The following PTCD3 variants were observed in gnomAD, a reference collection of about 807,000 sequenced individuals.
The protein encoded by PTCD3 is pentatricopeptide repeat domain 3.
A neutral mutation model predicts 101.9 loss-of-function variants in PTCD3; 89 were observed. The observed-to-expected ratio is 0.87, with a 90% CI of 0.74 to 1.04. PTCD3 has a LOEUF of 1.04. Among genes scored for constraint, PTCD3 ranks in the 50% least tolerant of loss-of-function variants. PTCD3 has a pLI of 0.00. For missense variants in PTCD3, 870 were observed against 828.2 expected (o/e 1.05, Z -0.62); for synonymous variants, 296 against 278.5 (o/e 1.06, Z -0.63).
chr2:86,122,268 A>G (rs1474210658), intron 8 of PTCD3, among the ~76,000 whole-genome samples: 6 of 152,366 alleles, frequency 3.9e-5, no homozygotes, highest in Admixed American at 6.5e-5. Context: ...GAAGCAGGCT[A>G]TCAGCAGTAT....
In PTCD3 at chr2:86,137,696, A is replaced by G; in HGVS notation, c.*137A>G. Reference sequence around the variant, plus strand: ...TGGTGAATTTGTTACTGTGAGGTACAGTCAGTACACAGCTGACTTATGTAG... The same window carrying G: ...TGGTGAATTTGTTACTGTGAGGTACGGTCAGTACACAGCTGACTTATGTAG... On this transcript the variant is annotated 3_prime_UTR_variant, in exon 24 of 24. Transcript: ENST00000254630. 4 of 1,295,598 alleles carry G rather than the reference A, an allele frequency of 3.1e-6. No individual in the cohort carries two copies. The highest frequency in any genetic ancestry group is 2.7e-4 in the Middle Eastern group (1 of 3,740). 80.3% of individuals were successfully genotyped at this position (1,295,598 alleles called of 1,614,324 possible). A position where few individuals can be genotyped will look rare whatever the true frequency, so the allele number is the denominator to read the frequency against.
Position 86,124,301 on chromosome 2 carries a change from G to A in PTCD3, c.716+539G>A, listed in dbSNP as rs1157123664. 1.3e-5 allele frequency among the ~76,000 whole-genome samples: 2 copies of A among 152,174 alleles called. 1 individual carries two copies. The highest frequency in any genetic ancestry group is 4.1e-4 in the South Asian group (2 of 4,828). ...ATGATTATCTAAAATTGTTATTGAAGTGATGAATTTGATAGGATGAAAGAT... is the reference window on the plus strand; with the variant it reads ...ATGATTATCTAAAATTGTTATTGAAATGATGAATTTGATAGGATGAAAGAT... On this transcript the variant is annotated intron_variant, in intron 9 of 23. Transcript: ENST00000254630.
chr2:86,121,513 C>G lies in PTCD3; in HGVS notation c.573C>G (p.Leu191=). ...TTVSLETTNS[L]LDLLCYYGDQ... ...TGTCTCTTGAAACAACAAATAGTCTCTTGGATTTATTGTGTTACTATGGTG... is the reference window on the plus strand; with the variant it reads ...TGTCTCTTGAAACAACAAATAGTCTGTTGGATTTATTGTGTTACTATGGTG... The change falls in exon 8 of 24, where the codon CTC becomes CTG. Residue 191 remains leucine, a synonymous_variant. Transcript: ENST00000254630. The G allele has an allele frequency of 6.2e-7, 1 of 1,608,600 alleles. No homozygotes were observed. The highest frequency in any genetic ancestry group is 1.7e-5 in the Admixed American group (1 of 59,170).
At chr2:86,112,957 A>G (rs1674117876) in intron 4 of PTCD3, among the ~76,000 whole-genome samples, 1 of 152,210 alleles carries the variant, frequency 6.6e-6, no homozygotes, top group Non-Finnish European at 1.5e-5. Flanking sequence ...TGTCATGCTG[A>G]CAATCATGTA....
At chr2:86,107,003 A>G (rs975491236) in intron 1 of PTCD3, 7 of 406,088 alleles carry the variant, frequency 1.7e-5, no homozygotes, top group Non-Finnish European at 3.6e-5. Flanking sequence ...ATTGGATGAT[A>G]ATAGACAGAT....
Position 86,130,683 on chromosome 2 carries a change from G to C in PTCD3, c.1183G>C (p.Asp395His), listed in dbSNP as rs140559951. The change falls in exon 15 of 24, where the codon GAT (aspartate) becomes CAT (histidine). Residue 395 changes from aspartate (D) to histidine (H), a missense_variant. Coordinates refer to ENST00000254630, the MANE Select transcript of PTCD3 (RefSeq NM_017952.6). ...AAAGAGATCATCCTTCATCATTTATGATATAATGAATGAATTAATGGGAAA... is the reference window on the plus strand; with the variant it reads ...AAAGAGATCATCCTTCATCATTTATCATATAATGAATGAATTAATGGGAAA... The part of the protein sequence containing the change: ...PLKRSSFIIY[D>H]IMNELMGKRF... 5.6e-6 allele frequency: 9 copies of C among 1,613,616 alleles called. No individual in the cohort carries two copies. The highest frequency in any genetic ancestry group is 7.6e-6 in the Non-Finnish European group (9 of 1,179,812).
At chr2:86,117,192 A>G (rs757370094) in intron 6 of PTCD3, 33 bp downstream of exon 6, 16 of 788,002 alleles carry the variant, frequency 2.0e-5, no homozygotes, top group Non-Finnish European at 3.1e-5. Context: ...TTTACATAAT[A>G]CTATTTTAAA....
chr2:86,119,949 A>G (rs1674252597), intron 7 of PTCD3, among the ~76,000 whole-genome samples: 1 of 152,234 alleles, frequency 6.6e-6, no homozygotes, highest in Admixed American at 6.5e-5. Flanking sequence ...AGCAGCTGGC[A>G]TTAAGTTTTT....
chr2:86,111,747 G>A (rs1184034767), intron 4 of PTCD3: 1 of 156,158 alleles, frequency 6.4e-6, no homozygotes, highest in Non-Finnish European at 1.4e-5. Context: ...TTGTTTGTTT[G>A]TTTTGTTTTG....
Position 86,108,866 on chromosome 2 carries a change from C to G in PTCD3, c.194+330C>G, listed in dbSNP as rs1558792295. The G allele has an allele frequency of 3.3e-5, 8 of 241,078 alleles. No homozygotes were observed. In the South Asian group the frequency reaches 1.1e-3, roughly 33 times the overall value. The allele number at this position is 241,078 out of a possible 1,614,324, so 14.9% of individuals were successfully genotyped here. Reference sequence around the variant, plus strand: ...TTCAAGGAAGTTCTCTCATATGATTCAAGAGCAGACAGTTACTGTCTTTAT... The same window carrying G: ...TTCAAGGAAGTTCTCTCATATGATTGAAGAGCAGACAGTTACTGTCTTTAT... On this transcript the variant is annotated intron_variant, in intron 3 of 23. Transcript: ENST00000254630.
Position 86,121,523 on chromosome 2 carries a change from T to C in PTCD3, c.583T>C (p.Leu195=), listed in dbSNP as rs771087504. 5 of 1,610,922 alleles carry C rather than the reference T, an allele frequency of 3.1e-6. 1 individual carries two copies. The South Asian group carries it at 5.5e-5, about 18-fold the overall frequency. Residue 195 remains leucine, a synonymous_variant, in exon 8 of 24, where the codon TTG becomes CTG. Transcript: ENST00000254630. ...LETTNSLLDL[L]CYYGDQEPST... ...AACAACAAATAGTCTCTTGGATTTA[T>C]TGTGTTACTATGGTGACCAGGAGCC...
intron 11 of PTCD3, 53 bp from the exon 12 acceptor site, chr2:86,125,742 C>A: frequency 7.4e-7 from 1 of 1,355,822 alleles, no homozygotes; most frequent in Non-Finnish European, 1.0e-6. Context: ...TTAAACTCAG[C>A]CATTTAGGGA....
intron 5 of PTCD3, 93 bp downstream of exon 5, chr2:86,116,691 T>TTA: frequency 1.1e-6 from 1 of 951,074 alleles, no homozygotes; most frequent in Non-Finnish European, 1.7e-6. Flanking sequence ...CTGGGAAAGG[T>TTA]TTACAAATGC....
intron 6 of PTCD3, among the ~76,000 whole-genome samples, chr2:86,118,695 A>G (rs560757845): frequency 1.3e-5 from 2 of 152,352 alleles, no homozygotes; most frequent in South Asian, 4.1e-4. Context: ...TACCTTGGGT[A>G]GTATTAAATG....
Position 86,137,737 on chromosome 2 carries a change from A to T in PTCD3, c.*178A>T, listed in dbSNP as rs1674614887. 1.2e-6 allele frequency: 1 copy of T among 804,154 alleles called. No individual in the cohort carries two copies. The highest frequency in any genetic ancestry group is 1.7e-5 in the African/African-American group (1 of 57,570). The allele number at this position is 804,154 out of a possible 1,614,324, so 49.8% of individuals were successfully genotyped here. On this transcript the variant is annotated 3_prime_UTR_variant, in exon 24 of 24. Coordinates refer to ENST00000254630, the MANE Select transcript of PTCD3 (RefSeq NM_017952.6). ...ACTTATGTAGATTTAAGCTGCTAATATGCTACTTAACCATCTATTAATGCA... is the reference window on the plus strand; with the variant it reads ...ACTTATGTAGATTTAAGCTGCTAATTTGCTACTTAACCATCTATTAATGCA...
chr2:86,123,706 G>C lies in PTCD3; in HGVS notation c.660G>C (p.Glu220Asp). Residue 220 changes from glutamate to aspartate, a missense_variant, in exon 9 of 24, where the codon GAG becomes GAC. Glu to Asp is a conservative substitution (Grantham distance 45). Coordinates refer to ENST00000254630, the MANE Select transcript of PTCD3 (RefSeq NM_017952.6). ...TTGATGATTATTCATTTCAGGAAGA[G>C]GAAAATGATGAGACATCTAGGAGGA... ...QQTGQSEALEEENDETSRRKA... is the reference protein window; with the variant it reads ...QQTGQSEALEDENDETSRRKA... 1 of 1,591,160 alleles carries C rather than the reference G, an allele frequency of 6.3e-7. No individual in the cohort carries two copies. The highest frequency in any genetic ancestry group is 1.2e-5 in the South Asian group (1 of 86,570).
intron 3 of PTCD3, 70 bp from the exon 4 acceptor site, chr2:86,111,043 T>G (rs1573846847): frequency 1.5e-6 from 2 of 1,368,624 alleles, no homozygotes; most frequent in Non-Finnish European, 2.1e-6. Flanking sequence ...ACACTGAGAG[T>G]AGAATCACTT....
chr2:86,135,201 AT>A (rs1255129591), intron 21 of PTCD3: 3 of 442,390 alleles, frequency 6.8e-6, no homozygotes, highest in Non-Finnish European at 1.2e-5. Context: ...TACGCTGAGA[AT>A]TATCTTTCTA....
intron 22 of PTCD3, 37 bp from the exon 23 acceptor site, chr2:86,136,945 G>A (rs1166339613): frequency 3.1e-6 from 5 of 1,611,324 alleles, no homozygotes; most frequent in Non-Finnish European, 2.5e-6. Flanking sequence ...TTACTGAAGG[G>A]GCTGGAGAAA....
Sources: allele counts gnomAD v4.1 joint callset (sites outside exome capture counted in the v4.1 genomes callset), GRCh38; gene constraint gnomAD v4.1.1; transcripts MANE v1.5; gene names NCBI Gene and HGNC (gene_info 2026-07-23, HGNC 2026-07-21).